The following EYS variants were observed in gnomAD, a reference collection of about 807,000 sequenced individuals.
The protein encoded by EYS is EGF-like photoreceptor maintenance factor, also known as protein eyes shut homolog.
Under a neutral mutation model 282.1 loss-of-function variants are expected in EYS, and 250 were observed. The ratio of observed to expected loss-of-function variants is 0.89; its 90% confidence interval spans 0.80 to 0.98. The LOEUF (loss-of-function observed/expected upper bound fraction) is 0.98. Among genes scored for constraint, EYS ranks in the 50% least tolerant of loss-of-function variants. The probability of loss-of-function intolerance (pLI) is 0.00; values close to 1 mark genes in which losing one functional copy is unlikely to be tolerated. For synonymous variants in EYS, 1,355 were observed against 1,282.9 expected, an observed-to-expected ratio of 1.06 and a Z score of -1.20; for missense variants, 4,016 against 3,709.0, an observed-to-expected ratio of 1.08 and a Z score of -2.15.
At chr6:64,157,045 TC>T (rs1260979439) in intron 31 of EYS, among the ~76,000 whole-genome samples, 1 of 64,130 alleles carries the variant, frequency 1.6e-5, no homozygotes, top group Non-Finnish European at 2.9e-5. Flanking sequence ...ACCTCCCCCC[TC>T]CCCCCACCCC....
At chr6:65,145,878 G>A (rs1764464320) in intron 12 of EYS, among the ~76,000 whole-genome samples, 1 of 151,738 alleles carries the variant, frequency 6.6e-6, no homozygotes, top group South Asian at 2.1e-4. Context: ...ATTCCATATA[G>A]GAATATATTA....
In EYS at chr6:65,514,855, A is replaced by G. The variant is rs563476465; in HGVS notation, c.-332-18862T>C. ...AAAAACCCTAGAAGAAAACCTAGGCATTACCATTTAGGACATAGGCATGGG... is the reference window on the plus strand; with the variant it reads ...AAAAACCCTAGAAGAAAACCTAGGCGTTACCATTTAGGACATAGGCATGGG... On this transcript the variant is annotated intron_variant, in intron 2 of 42. Transcript: ENST00000503581. Among the ~76,000 whole-genome samples the G allele has an allele frequency of 2.0e-5, 3 of 152,312 alleles. No individual in the cohort carries two copies. The South Asian group carries it at 6.2e-4, about 32-fold the overall frequency.
intron 24 of EYS, among the ~76,000 whole-genome samples, chr6:64,616,927 A>G (rs1767290997): frequency 6.6e-6 from 1 of 151,996 alleles, no homozygotes; most frequent in South Asian, 2.1e-4. Context: ...ATTTTTTAAT[A>G]GAGACATTTT....
intron 2 of EYS, among the ~76,000 whole-genome samples, chr6:65,571,170 A>C (rs896817130): frequency 6.6e-6 from 1 of 152,118 alleles, no homozygotes; most frequent in African/African-American, 2.4e-5. Context: ...ACAAACATGT[A>C]TATCTCATAC....
At chr6:65,598,497 A>G (rs924535742) in intron 2 of EYS, among the ~76,000 whole-genome samples, 1 of 152,012 alleles carries the variant, frequency 6.6e-6, no homozygotes, top group Non-Finnish European at 1.5e-5. Context: ...ATCACACAAT[A>G]TCTGCATTGA....
intron 12 of EYS, among the ~76,000 whole-genome samples, chr6:65,086,840 T>G (rs991293253): frequency 2.0e-5 from 3 of 152,092 alleles, no homozygotes; most frequent in African/African-American, 7.2e-5. Flanking sequence ...GGGTTTTTTT[T>G]TTTTAACGGA....
At chr6:63,994,846 G>T (rs921830748) in intron 34 of EYS, among the ~76,000 whole-genome samples, 4 of 151,780 alleles carry the variant, frequency 2.6e-5, no homozygotes, top group Non-Finnish European at 5.9e-5. Flanking sequence ...AATTAAATTG[G>T]ATCTTTGTCT....
At chr6:64,274,493 T>G (rs1282579353) in intron 30 of EYS, among the ~76,000 whole-genome samples, 1 of 149,270 alleles carries the variant, frequency 6.7e-6, no homozygotes, top group Non-Finnish European at 1.5e-5. Flanking sequence ...TTTTTTTTTT[T>G]TTTTTTTTTT....
chr6:65,280,140 C>G (rs1253928308), intron 12 of EYS, among the ~76,000 whole-genome samples: 8 of 152,124 alleles, frequency 5.3e-5, no homozygotes, highest in African/African-American at 2.4e-5. Flanking sequence ...ACTTAACTGA[C>G]TTCCCCTACC....
At chr6:64,151,361 A>ATATATATG (rs1554212640) in intron 31 of EYS, among the ~76,000 whole-genome samples, 1 of 85,044 alleles carries the variant, frequency 1.2e-5, no homozygotes, top group Admixed American at 1.1e-4. Context: ...ATATATATAT[A>ATATATATG]TAATTTTTTT....
chr6:65,491,398 A>G, intron 4 of EYS: 1 of 311,550 alleles, frequency 3.2e-6, no homozygotes, highest in South Asian at 2.9e-5. Flanking sequence ...GGGCATAGCA[A>G]GTGGACAAAT....
chr6:64,670,691 G>A (rs1455923837), intron 22 of EYS, among the ~76,000 whole-genome samples: 1 of 151,986 alleles, frequency 6.6e-6, no homozygotes, highest in Non-Finnish European at 1.5e-5. Context: ...TGCTAACAAG[G>A]GCTTATTTAA....
intron 14 of EYS, among the ~76,000 whole-genome samples, chr6:64,985,870 C>T (rs1770842722): frequency 6.6e-6 from 1 of 151,306 alleles, no homozygotes; most frequent in Non-Finnish European, 1.5e-5. Context: ...GGAAGTCGGC[C>T]TCAGCTCTTT....
At chr6:64,958,731 T>C (rs1583332286) in intron 14 of EYS, among the ~76,000 whole-genome samples, 1 of 38,422 alleles carries the variant, frequency 2.6e-5, no homozygotes, top group East Asian at 9.1e-4. Context: ...CGAGACTCCG[T>C]CTCAAAAAAA....
intron 22 of EYS, among the ~76,000 whole-genome samples, chr6:64,805,869 C>T (rs1256180182): frequency 6.6e-6 from 1 of 151,044 alleles, no homozygotes; most frequent in Non-Finnish European, 1.5e-5. Context: ...TTATTTAAAA[C>T]ATGAACAAAG....
At chr6:64,128,658 A>G (rs1773865095) in intron 31 of EYS, among the ~76,000 whole-genome samples, 1 of 152,176 alleles carries the variant, frequency 6.6e-6, no homozygotes, top group Non-Finnish European at 1.5e-5. Flanking sequence ...CTTATAAAAG[A>G]TACATTCCCA....
chr6:64,442,053 G>A (rs1774966328), intron 26 of EYS, among the ~76,000 whole-genome samples: 1 of 152,300 alleles, frequency 6.6e-6, no homozygotes, highest in African/African-American at 2.4e-5. Context: ...ACAGGAAAAT[G>A]TGGGAAAGTT....
chr6:64,845,114 C>T (rs1765679500), intron 19 of EYS, among the ~76,000 whole-genome samples: 1 of 151,962 alleles, frequency 6.6e-6, no homozygotes, highest in Non-Finnish European at 1.5e-5. Context: ...TATAGTAAGA[C>T]CTGGTCCCTA....
At chr6:65,558,881 C>T (rs1342784088) in intron 2 of EYS, among the ~76,000 whole-genome samples, 2 of 152,098 alleles carry the variant, frequency 1.3e-5, no homozygotes, top group Non-Finnish European at 2.9e-5. Context: ...CACAACCTCA[C>T]CATATCCTAG....
Sources: allele counts gnomAD v4.1 joint callset (sites outside exome capture counted in the v4.1 genomes callset), GRCh38; gene constraint gnomAD v4.1.1; transcripts MANE v1.5; gene names NCBI Gene and HGNC (gene_info 2026-07-23, HGNC 2026-07-21).